The following CIITA variants were observed in gnomAD, a reference collection of about 807,000 sequenced individuals.
CIITA encodes the protein class II major histocompatibility complex transactivator, also known as MHC class II transactivator.
A neutral mutation model predicts 115.1 loss-of-function variants in CIITA; 72 were observed. The observed-to-expected ratio is 0.63, with a 90% CI of 0.52 to 0.76. The LOEUF (loss-of-function observed/expected upper bound fraction) is 0.76, where lower values mean the gene tolerates loss of function less well. Among genes scored for constraint, CIITA ranks in the 30% least tolerant of loss-of-function variants. The pLI is 0.00. For synonymous variants in CIITA, 763 were observed against 635.6 expected (o/e 1.20, Z -3.02); for missense variants, 1,617 against 1,463.8 (o/e 1.10, Z -1.71).
chr16:10,923,820 A>G lies in CIITA; in HGVS notation c.*23-58A>G. On this transcript the variant is annotated intron_variant, in intron 19 of 19. Coordinates refer to ENST00000324288, the MANE Select transcript of CIITA (RefSeq NM_000246.4). The surrounding 1 kb of genome is among the most constrained non-coding windows in gnomAD (Gnocchi z 5.2). The stretch of plus-strand genomic sequence containing the variant: ...TTGATAGCACCCTTCCCAGGTGTCA[A>G]GCTGCCCCTCCTAGAGTGTCCTGCC... The G allele has an allele frequency of 5.5e-6, 1 of 181,140 alleles. No homozygotes were observed. The highest frequency in any genetic ancestry group is 1.2e-4 in the South Asian group (1 of 8,174). 11.2% of individuals were successfully genotyped at this position (181,140 alleles called of 1,614,324 possible). A position where few individuals can be genotyped will look rare whatever the true frequency, so the allele number is the denominator to read the frequency against.
downstream of CIITA, chr16:10,936,429 A>C (rs1385042871): frequency 6.6e-6 from 1 of 152,222 alleles, no homozygotes; most frequent in African/African-American, 2.4e-5. Context: ...ATGCTTATGA[A>C]AATTACACAT....
intron 1 of CIITA, among the ~76,000 whole-genome samples, chr16:10,892,450 C>G (rs1356798693): frequency 6.6e-6 from 1 of 152,216 alleles, no homozygotes; most frequent in East Asian, 1.9e-4. Context: ...GAGCCTCCCT[C>G]TGGTCTTCCA....
At chr16:10,886,607 C>A (rs1039890345) in intron 1 of CIITA, among the ~76,000 whole-genome samples, 1 of 152,208 alleles carries the variant, frequency 6.6e-6, no homozygotes, top group Non-Finnish European at 1.5e-5. Flanking sequence ...ACCCGTGTAA[C>A]CAACACTTGG....
At chr16:10,866,759 G>A (rs962901448) in intron 1 of CIITA, among the ~76,000 whole-genome samples, 2 of 152,210 alleles carry the variant, frequency 1.3e-5, no homozygotes, top group Admixed American at 6.5e-5. Flanking sequence ...TGGAGCGAAC[G>A]GCGTGCTTCC....
At chr16:10,898,271 T>A (rs1370765640) in intron 3 of CIITA, among the ~76,000 whole-genome samples, 1 of 152,084 alleles carries the variant, frequency 6.6e-6, no homozygotes, top group Non-Finnish European at 1.5e-5. Flanking sequence ...TCACCATCGA[T>A]TCCTGGGTAG....
chr16:10,942,942 C>T lies in CIITA; in HGVS notation n.2068C>T, dbSNP rs564944169. On this transcript the variant is annotated non_coding_transcript_exon_variant, in exon 2 of 2. Transcript: ENST00000573379. The surrounding 1 kb of genome is among the most constrained non-coding windows in gnomAD (Gnocchi z 5.0). The stretch of plus-strand genomic sequence containing the variant: ...CAAACTCTGGTTGCTGGAAGGTCCG[C>T]CCACTACGGAACCTGCATCCTAGAG... The T allele has an allele frequency of 6.6e-6, 1 of 152,342 alleles. No homozygotes were observed. Among genetic ancestry groups the T allele is most frequent in the South Asian group, 2.1e-4 (1 of 4,830 alleles). The allele number at this position is 152,342 out of a possible 1,614,324, so 9.4% of individuals were successfully genotyped here.
chr16:10,940,753 G>C (rs2041091683), downstream of CIITA: 1 of 152,342 alleles, frequency 6.6e-6, no homozygotes, highest in African/African-American at 2.4e-5. The surrounding 1 kb of genome is among the most constrained non-coding windows in gnomAD (Gnocchi z 4.2). Context: ...TGGGCTGGAT[G>C]CTGGATGCAA....
intron 13 of CIITA, among the ~76,000 whole-genome samples, chr16:10,911,344 TTTC>T (rs1422574378): frequency 5.4e-5 from 7 of 128,918 alleles, no homozygotes; most frequent in South Asian, 3.5e-4. Flanking sequence ...TCTTCCCCCT[TTTC>T]TTCTTTTTCT....
intron 13 of CIITA, among the ~76,000 whole-genome samples, chr16:10,911,378 C>G (rs1197628083): frequency 1.3e-5 from 1 of 79,186 alleles, no homozygotes; most frequent in Non-Finnish European, 2.7e-5. Context: ...TTCTTTCTTT[C>G]TTTCTCTCTC....
intron 1 of CIITA, among the ~76,000 whole-genome samples, chr16:10,866,816 G>A (rs2035099756): frequency 6.6e-6 from 1 of 152,236 alleles, no homozygotes; most frequent in Non-Finnish European, 1.5e-5. Context: ...CCAAATGCCT[G>A]CTTGGGTTCA....
At chr16:10,866,430 G>A (rs373279024) in intron 1 of CIITA, 2 of 566,618 alleles carry the variant, frequency 3.5e-6, no homozygotes, top group East Asian at 7.6e-5. Context: ...TGCTCCATGA[G>A]CCTGATAGTG....
intron 1 of CIITA, among the ~76,000 whole-genome samples, chr16:10,893,831 A>G (rs925400891): frequency 2.7e-5 from 4 of 148,044 alleles, no homozygotes; most frequent in Non-Finnish European, 6.0e-5. Context: ...AAAAAAAAAA[A>G]AAAGTAGAGT....
intron 1 of CIITA, among the ~76,000 whole-genome samples, chr16:10,877,742 G>A (rs551932423): frequency 2.0e-5 from 3 of 152,314 alleles, no homozygotes; most frequent in African/African-American, 4.8e-5. Context: ...TCTGCAGGAC[G>A]GGACCTCTGC....
At chr16:10,868,223 C>T (rs2035229454) in intron 1 of CIITA, among the ~76,000 whole-genome samples, 1 of 151,874 alleles carries the variant, frequency 6.6e-6, no homozygotes, top group Non-Finnish European at 1.5e-5. Flanking sequence ...CCTTTGATCC[C>T]CATCCTTATT....
At chr16:10,900,726 C>A (rs981912271) in intron 5 of CIITA, among the ~76,000 whole-genome samples, 1 of 149,926 alleles carries the variant, frequency 6.7e-6, no homozygotes, top group Non-Finnish European at 1.5e-5. Flanking sequence ...GGCAACAGAG[C>A]TAGACTCTGT....
rs1297106314 is a variant in CIITA at position 10,932,422 on chromosome 16, G to C, written c.*8567G>C. 6 of 152,318 alleles carry C rather than the reference G, an allele frequency of 3.9e-5. No homozygotes were observed. The highest frequency in any genetic ancestry group is 8.8e-5 in the Non-Finnish European group (6 of 68,052). The allele number at this position is 152,318 out of a possible 1,614,324, so 9.4% of individuals were successfully genotyped here. A position where few individuals can be genotyped will look rare whatever the true frequency, so the allele number is the denominator to read the frequency against. ...CTGCATTTCACATGGAGCTCAGAGA[G>C]GTTAAGCAAGCCGTGCAAGGCCACA... On this transcript the variant is annotated 3_prime_UTR_variant, in exon 20 of 20. Transcript: ENST00000324288.
chr16:10,898,397 A>C (rs2038355092), intron 3 of CIITA, among the ~76,000 whole-genome samples: 1 of 151,808 alleles, frequency 6.6e-6, no homozygotes, highest in South Asian at 2.1e-4. Context: ...TGGAATTTGA[A>C]CTCAAATCCT....
At chr16:10,910,476 C>T (rs1186549909) in intron 13 of CIITA, among the ~76,000 whole-genome samples, 3 of 152,220 alleles carry the variant, frequency 2.0e-5, no homozygotes, top group African/African-American at 2.4e-5. Flanking sequence ...TGCTGGTTAA[C>T]ATGGTCATTC....
In CIITA at chr16:10,931,328, C is replaced by T. The variant is rs1393719252; in HGVS notation, c.*7473C>T. 6.5e-6 allele frequency: 1 copy of T among 152,758 alleles called. No homozygotes were observed. Among genetic ancestry groups the T allele is most frequent in the Non-Finnish European group, 1.5e-5 (1 of 68,514 alleles). The allele number at this position is 152,758 out of a possible 1,614,324, so 9.5% of individuals were successfully genotyped here. A position where few individuals can be genotyped will look rare whatever the true frequency, so the allele number is the denominator to read the frequency against. ...TCTCAAAAAAAAGAGAAGATGGAAT[C>T]ACTCGGTGAGGACCTCACTCCTCTC... On this transcript the variant is annotated 3_prime_UTR_variant, in exon 20 of 20. Transcript: ENST00000324288.
Sources: gnomAD v4.1 joint callset for allele counts (sites outside exome capture counted in the v4.1 genomes callset) on GRCh38, gnomAD v4.1.1 for gene constraint, Gnocchi (gnomAD v3.1) non-coding constraint, MANE v1.5 for transcripts, NCBI Gene and HGNC (gene_info 2026-07-23, HGNC 2026-07-21) for gene names.